MTBP: variants seen among roughly 807,000 people sequenced by gnomAD.
The protein encoded by MTBP is mdm2-binding protein.
Under a neutral mutation model 117.0 loss-of-function variants are expected in MTBP, and 101 were observed. The observed-to-expected ratio is 0.86, with a 90% CI of 0.73 to 1.02. The LOEUF (loss-of-function observed/expected upper bound fraction) is 1.02. MTBP is among the 50% of genes least tolerant of loss of function. MTBP has a pLI of 0.00. For synonymous variants in MTBP, 350 were observed against 351.5 expected, an observed-to-expected ratio of 1.00 and a Z score of 0.05; for missense variants, 970 against 1,030.9, an observed-to-expected ratio of 0.94 and a Z score of 0.81.
At chr8:120,516,796 G>T (rs901458444) in intron 18 of MTBP, among the ~76,000 whole-genome samples, 7 of 151,850 alleles carry the variant, frequency 4.6e-5, no homozygotes, top group African/African-American at 1.5e-4. Context: ...TAGGTTCTTG[G>T]CATCTAAAGC....
intron 12 of MTBP, among the ~76,000 whole-genome samples, chr8:120,489,041 C>CTTTTTT (rs1563797857): frequency 1.3e-5 from 1 of 76,578 alleles, no homozygotes; most frequent in Non-Finnish European, 3.8e-5. Context: ...GGCAGACTGA[C>CTTTTTT]TTCTTTTTTT....
Position 120,516,106 on chromosome 8 carries a change from G to T in MTBP, c.2161G>T (p.Glu721Ter). The stretch of plus-strand genomic sequence containing the variant: ...AGATCCTGGAAGTGTCCCTGACGGA[G>T]AAGTTTTACAAAATGAACTTCGAAC... ...SSDPGSVPDG[E>*]VLQNELRTEV... The change falls in exon 18 of 22, where the codon GAA becomes TAA. Residue 721 changes from glutamate (E) to a stop codon, truncating the protein, a stop_gained. Transcript: ENST00000305949. LOFTEE classifies it high-confidence loss of function. The T allele has an allele frequency of 2.5e-6, 4 of 1,612,944 alleles. No individual in the cohort carries two copies. Among genetic ancestry groups the T allele is most frequent in the Non-Finnish European group, 3.4e-6 (4 of 1,179,174 alleles).
In MTBP at chr8:120,510,283, C is replaced by T. The variant is rs371600682; in HGVS notation, c.1979+254C>T. 1.3e-3 allele frequency among the ~76,000 whole-genome samples: 197 copies of T among 152,174 alleles called. 4 individuals are homozygous for T. In the South Asian group the frequency reaches 0.04, roughly 31 times the overall value. ...ATATTTTAATCAAAATTGTTTTGGT[C>T]CCTATGTTATAAATGTATATTCACA... is the stretch of plus-strand genomic sequence containing the variant. On this transcript the variant is annotated intron_variant, in intron 17 of 21. Transcript: ENST00000305949.
intron 19 of MTBP, 57 bp downstream of exon 19, chr8:120,518,157 ATTACT>A (rs997241462): frequency 2.6e-6 from 4 of 1,537,674 alleles, no homozygotes; most frequent in African/African-American, 2.8e-5. Flanking sequence ...TTTAAATTTG[ATTACT>A]TTAAAATATA....
intron 2 of MTBP, among the ~76,000 whole-genome samples, chr8:120,448,708 A>G (rs1813276888): frequency 6.6e-6 from 1 of 152,220 alleles, no homozygotes; most frequent in Admixed American, 6.5e-5. Context: ...TGAATATACC[A>G]TGGTAACTGA....
chr8:120,504,494 A>G (rs950502697), intron 15 of MTBP, among the ~76,000 whole-genome samples: 1 of 151,832 alleles, frequency 6.6e-6, no homozygotes, highest in Non-Finnish European at 1.5e-5. Context: ...ATTTTCTTGG[A>G]TTTCATATAT....
chr8:120,497,962 C>T (rs572606451), intron 14 of MTBP, among the ~76,000 whole-genome samples: 1 of 152,250 alleles, frequency 6.6e-6, no homozygotes, highest in East Asian at 1.9e-4. Context: ...GCATATTTAA[C>T]ATTCAATAGG....
Position 120,515,869 on chromosome 8 carries a change from G to T in MTBP, c.1980-56G>T, listed in dbSNP as rs1173010305. 3.4e-6 allele frequency: 5 copies of T among 1,479,038 alleles called. No homozygotes were observed. In the Admixed American group the frequency reaches 5.7e-5, roughly 17 times the overall value. The allele number at this position is 1,479,038 out of a possible 1,614,324, so 91.6% of individuals were successfully genotyped here. On this transcript the variant is annotated intron_variant, in intron 17 of 21. Transcript: ENST00000305949. The stretch of plus-strand genomic sequence containing the variant: ...TCCTGCTATTTTCTCATTGAAAGGG[G>T]AAAGTCTGTTGCTCTCATGGAGGTT...
At chr8:120,497,073 G>A (rs1219897871) in intron 13 of MTBP, among the ~76,000 whole-genome samples, 2 of 152,136 alleles carry the variant, frequency 1.3e-5, no homozygotes, top group African/African-American at 4.8e-5. Flanking sequence ...AGTCTAACAG[G>A]TTTTATTTCT....
Position 120,509,942 on chromosome 8 carries a change from C to G in MTBP, c.1892C>G (p.Thr631Ser). The part of the protein sequence containing the change: ...QPLPIQKGEK[T>S]FVLTPELSPG... ...AAAATTTTTTGTTTCAGGGAAAAGA[C>G]TTTTGTTTTGACACCAGAACTTAGT... Residue 631 changes from threonine to serine, a missense_variant, in exon 17 of 22, where the codon ACT (threonine) becomes AGT (serine). Coordinates refer to ENST00000305949, the MANE Select transcript of MTBP (RefSeq NM_022045.5). 1 of 1,608,312 alleles carries G rather than the reference C, an allele frequency of 6.2e-7. No homozygotes were observed. Among genetic ancestry groups the G allele is most frequent in the Non-Finnish European group, 8.5e-7 (1 of 1,177,696 alleles).
In MTBP at chr8:120,453,805, A is replaced by G. The variant is rs559715227; in HGVS notation, c.426-42A>G. 4 of 977,668 alleles carry G rather than the reference A, an allele frequency of 4.1e-6. No individual in the cohort carries two copies. In the African/African-American group the frequency reaches 6.6e-5, roughly 16 times the overall value. The allele number at this position is 977,668 out of a possible 1,614,324, so 60.6% of individuals were successfully genotyped here. On this transcript the variant is annotated intron_variant, in intron 4 of 21. Coordinates refer to ENST00000305949, the MANE Select transcript of MTBP (RefSeq NM_022045.5). ...ACCTATTATGATTATATATAAATATATTTATGGGGTTTTCTTTCCCTAACT... is the reference window on the plus strand; with the variant it reads ...ACCTATTATGATTATATATAAATATGTTTATGGGGTTTTCTTTCCCTAACT...
chr8:120,493,482 G>A (rs765527351), intron 13 of MTBP, among the ~76,000 whole-genome samples: 1 of 146,870 alleles, frequency 6.8e-6, no homozygotes, highest in Non-Finnish European at 1.5e-5. Flanking sequence ...GTGTGTGGGG[G>A]TGTATATATA....
Position 120,459,220 on chromosome 8 carries a change from A to G in MTBP, c.753A>G (p.Gly251=), listed in dbSNP as rs758494999. ...TTTTCTTGGTCTCTTTTCAGTTTGG[A>G]TTTGAAATTAGTTTTCCTGAATTTT... ...GKIQIWERKF[G]FEISFPEFCL... The change falls in exon 8 of 22, where the codon GGA becomes GGG. Residue 251 remains glycine (G), a synonymous_variant. Coordinates refer to ENST00000305949, the MANE Select transcript of MTBP (RefSeq NM_022045.5). 2.5e-6 allele frequency: 4 copies of G among 1,607,406 alleles called. No homozygotes were observed. In the African/African-American group the frequency reaches 4.0e-5, roughly 16 times the overall value.
chr8:120,457,945 CAAG>C (rs1563785630), intron 7 of MTBP, among the ~76,000 whole-genome samples: 2 of 64,086 alleles, frequency 3.1e-5, no homozygotes, highest in Admixed American at 3.1e-4. Flanking sequence ...GACTCCGTCT[CAAG>C]AAAAAAAAAA....
At chr8:120,500,835 T>A (rs1000718249) in intron 14 of MTBP, among the ~76,000 whole-genome samples, 2 of 152,060 alleles carry the variant, frequency 1.3e-5, no homozygotes, top group African/African-American at 4.8e-5. Flanking sequence ...GGTGGATGGA[T>A]CACTTGAGGC....
intron 11 of MTBP, among the ~76,000 whole-genome samples, chr8:120,478,953 A>G (rs77174143): frequency 0.038 from 5,743 of 152,326 alleles, 133 homozygotes; most frequent in Middle Eastern, 0.061. Flanking sequence ...GTGCAGCCAT[A>G]AGAAATGTGG....
At chr8:120,513,459 T>C (rs13248193) in intron 17 of MTBP, among the ~76,000 whole-genome samples, 83,328 of 151,752 alleles carry the variant, frequency 0.55, 25,285 homozygotes, top group Non-Finnish European at 0.67. Flanking sequence ...ACCCTGCCCC[T>C]TGCCTCTCTG....
chr8:120,484,307 C>T lies in MTBP; in HGVS notation c.1166-3852C>T, dbSNP rs989925815. On this transcript the variant is annotated intron_variant, in intron 11 of 21. Coordinates refer to ENST00000305949, the MANE Select transcript of MTBP (RefSeq NM_022045.5). Reference sequence around the variant, plus strand: ...AATAACCTTTATTTAAATTCATGTTCTAAAACTGCAGTTTATGAGCAGAAT... The same window carrying T: ...AATAACCTTTATTTAAATTCATGTTTTAAAACTGCAGTTTATGAGCAGAAT... 2.6e-5 allele frequency among the ~76,000 whole-genome samples: 4 copies of T among 152,092 alleles called. No homozygotes were observed. In the East Asian group the frequency reaches 7.7e-4, roughly 29 times the overall value.
At chr8:120,505,784 T>C (rs1271065999) in intron 15 of MTBP, among the ~76,000 whole-genome samples, 1 of 152,186 alleles carries the variant, frequency 6.6e-6, no homozygotes, top group African/African-American at 2.4e-5. Flanking sequence ...ACTGGAAACA[T>C]CTAACTGAAA....
Sources: allele counts gnomAD v4.1 joint callset (sites outside exome capture counted in the v4.1 genomes callset), GRCh38; gene constraint gnomAD v4.1.1; transcripts MANE v1.5; gene names NCBI Gene and HGNC (gene_info 2026-07-23, HGNC 2026-07-21).